FBXL20: variants seen among roughly 807,000 people sequenced by gnomAD.
FBXL20 encodes F-box and leucine rich repeat protein 20, also known as F-box/LRR-repeat protein 20.
Under a neutral mutation model 64.0 loss-of-function variants are expected in FBXL20, and 11 were observed. The ratio of observed to expected loss-of-function variants is 0.17; its 90% CI spans 0.11 to 0.28. The LOEUF (loss-of-function observed/expected upper bound fraction) is 0.28, where lower values mean the gene tolerates loss of function less well. FBXL20 is among the 10% of genes least tolerant of loss of function. The pLI is 1.00. For synonymous variants in FBXL20, 184 were observed against 189.0 expected (o/e 0.97, Z 0.22); for missense variants, 303 against 526.2 (o/e 0.58, Z 4.15).
At chr17:39,308,447 A>T (rs1266555256) in intron 2 of FBXL20, among the ~76,000 whole-genome samples, 1 of 152,002 alleles carries the variant, frequency 6.6e-6, no homozygotes, top group African/African-American at 2.4e-5. Context: ...GGGAACTGTG[A>T]TCACCCCACT....
intron 2 of FBXL20, among the ~76,000 whole-genome samples, chr17:39,342,158 T>G (rs933957734): frequency 9.2e-5 from 14 of 152,090 alleles, no homozygotes; most frequent in African/African-American, 3.4e-4. Flanking sequence ...ATTTTGAGTT[T>G]CATGGTGAAA....
chr17:39,280,769 T>A (rs955909860), intron 9 of FBXL20, among the ~76,000 whole-genome samples: 4 of 152,078 alleles, frequency 2.6e-5, no homozygotes, highest in Non-Finnish European at 5.9e-5. Flanking sequence ...GCTCATCATC[T>A]TATTTATTTT....
chr17:39,273,399 A>C (rs1253936554), intron 10 of FBXL20, among the ~76,000 whole-genome samples: 2 of 152,216 alleles, frequency 1.3e-5, no homozygotes, highest in Admixed American at 1.3e-4. Flanking sequence ...TACAATGATT[A>C]TTATATGTAA....
At chr17:39,393,276 C>T (rs1015768591) in intron 1 of FBXL20, among the ~76,000 whole-genome samples, 2 of 151,154 alleles carry the variant, frequency 1.3e-5, no homozygotes, top group Non-Finnish European at 2.9e-5. Context: ...GCAAGAAGAG[C>T]GAAACTGTCT....
intron 1 of FBXL20, 120 bp from the exon 2 acceptor site, chr17:39,343,361 A>C (rs16965088): frequency 0.062 from 36,869 of 592,520 alleles, 1,406 homozygotes; most frequent in Non-Finnish European, 0.077. Flanking sequence ...CGGCATCATA[A>C]ACCAAAGTCA....
In FBXL20 at chr17:39,276,367, AG is replaced by A. The variant is rs760852364; in HGVS notation, c.697-1268del. Among the ~76,000 whole-genome samples the A allele has an allele frequency of 7.1e-4, 105 of 148,650 alleles. 1 individual carries two copies. The highest frequency in any genetic ancestry group is 3.7e-3 in the Middle Eastern group (1 of 272). ...GAAGAGAAGAAAGAAAGGAAGAAGG[AG>A]GGAGGGAGGGAAGTTATTGAGGCCG... On this transcript the variant is annotated intron_variant, in intron 9 of 14. Coordinates refer to ENST00000264658, the MANE Select transcript of FBXL20 (RefSeq NM_032875.3).
At chr17:39,299,371 T>C (rs1474779994) in intron 4 of FBXL20, among the ~76,000 whole-genome samples, 1 of 152,242 alleles carries the variant, frequency 6.6e-6, no homozygotes, top group Non-Finnish European at 1.5e-5. Context: ...ATATACTGCC[T>C]AGCTGGGTTA....
intron 4 of FBXL20, among the ~76,000 whole-genome samples, chr17:39,299,668 C>T (rs1240548001): frequency 6.6e-6 from 1 of 152,154 alleles, no homozygotes; most frequent in Non-Finnish European, 1.5e-5. Flanking sequence ...GTAGTCCCAG[C>T]TACTCGGGAG....
chr17:39,378,217 A>G (rs1012599243), intron 1 of FBXL20, among the ~76,000 whole-genome samples: 2 of 152,224 alleles, frequency 1.3e-5, no homozygotes, highest in African/African-American at 4.8e-5. Flanking sequence ...AACAACTACT[A>G]AAATCACGGT....
At chr17:39,290,137 ATTATTT>A (rs1465096334) in intron 6 of FBXL20, among the ~76,000 whole-genome samples, 1 of 151,352 alleles carries the variant, frequency 6.6e-6, no homozygotes, top group Non-Finnish European at 1.5e-5. Flanking sequence ...TGACTTACAC[ATTATTT>A]TTAAGTTTAT....
At chr17:39,289,777 T>C (rs565859848) in intron 6 of FBXL20, among the ~76,000 whole-genome samples, 1 of 151,970 alleles carries the variant, frequency 6.6e-6, no homozygotes, top group South Asian at 2.1e-4. Flanking sequence ...GGCAGATCAG[T>C]TGAGGCCAGT....
At chr17:39,402,347 G>A (rs2048257585), upstream of FBXL20, 4 of 604,044 alleles carry the variant, frequency 6.6e-6, no homozygotes, top group Non-Finnish European at 9.6e-6. Flanking sequence ...GTGCTGCAGG[G>A]AGGCCTGGGG....
intron 1 of FBXL20, among the ~76,000 whole-genome samples, chr17:39,394,875 C>T (rs1018779596): frequency 6.6e-6 from 1 of 152,014 alleles, no homozygotes; most frequent in African/African-American, 2.4e-5. Context: ...TGTACCCGGC[C>T]AGATACGGAA....
At chr17:39,297,015 T>C in intron 6 of FBXL20, 112 bp downstream of exon 6, 1 of 590,214 alleles carries the variant, frequency 1.7e-6, no homozygotes, top group Non-Finnish European at 2.9e-6. Context: ...ATATCTTTCC[T>C]CTACAAAACC....
rs567662714 is a variant in FBXL20 at position 39,369,362 on chromosome 17, A to G, written c.43-26121T>C. On this transcript the variant is annotated intron_variant, in intron 1 of 14. Coordinates refer to ENST00000264658, the MANE Select transcript of FBXL20 (RefSeq NM_032875.3). Reference sequence around the variant, plus strand: ...AAACTCCACCTCCTGGGTTCAAGCAATGCTCCTGCCTCAGCCTCCTGAGCA... The same window carrying G: ...AAACTCCACCTCCTGGGTTCAAGCAGTGCTCCTGCCTCAGCCTCCTGAGCA... Among the ~76,000 whole-genome samples, 12 of 150,058 alleles carry G rather than the reference A, an allele frequency of 8.0e-5. No homozygotes were observed. In the South Asian group the frequency reaches 2.3e-3, roughly 29 times the overall value.
intron 1 of FBXL20, among the ~76,000 whole-genome samples, chr17:39,379,518 T>C (rs1213183854): frequency 6.7e-6 from 1 of 149,956 alleles, no homozygotes; most frequent in Non-Finnish European, 1.5e-5. Flanking sequence ...CACAGTGGCT[T>C]ACCCCTATAA....
At chr17:39,345,179 C>CT (rs2047620752) in intron 1 of FBXL20, among the ~76,000 whole-genome samples, 2 of 152,190 alleles carry the variant, frequency 1.3e-5, no homozygotes, top group Admixed American at 6.6e-5. Flanking sequence ...CAATCAGGCA[C>CT]TTTTCTAGAC....
chr17:39,330,259 T>A (rs2047447347), intron 2 of FBXL20, among the ~76,000 whole-genome samples: 3 of 151,428 alleles, frequency 2.0e-5, no homozygotes, highest in African/African-American at 7.3e-5. Context: ...ATTGTGCCAT[T>A]GCGCTCCAGC....
intron 14 of FBXL20, among the ~76,000 whole-genome samples, chr17:39,263,001 CAA>C (rs11315365): frequency 1.5e-4 from 22 of 150,612 alleles, no homozygotes; most frequent in Middle Eastern, 3.4e-3. Flanking sequence ...GACTCTGTCT[CAA>C]AAAAAAAGAA....
Sources: gnomAD v4.1 joint callset for allele counts (sites outside exome capture counted in the v4.1 genomes callset) on GRCh38, gnomAD v4.1.1 for gene constraint, MANE v1.5 for transcripts, NCBI Gene and HGNC (gene_info 2026-07-23, HGNC 2026-07-21) for gene names.